CERS5: variants seen among roughly 807,000 people sequenced by gnomAD.
The protein encoded by CERS5 is ceramide synthase 5.
A neutral mutation model predicts 58.9 loss-of-function variants in CERS5; 37 were observed. The ratio of observed to expected loss-of-function variants is 0.63; its 90% CI spans 0.48 to 0.83. The LOEUF is 0.83. CERS5 is among the 40% of genes least tolerant of loss of function. The pLI, the probability that CERS5 is intolerant of heterozygous loss-of-function variation, is 0.00. For missense variants in CERS5, 398 were observed against 489.3 expected (o/e 0.81, Z 1.76); for synonymous variants, 147 against 177.8 (o/e 0.83, Z 1.38).
chr12:50,147,394 G>A (rs552445537), intron 1 of CERS5: 14 of 127,956 alleles, frequency 1.1e-4, no homozygotes, highest in Admixed American at 1.0e-3. Flanking sequence ...GTAACAGAGC[G>A]AGACTCCATC....
In CERS5 at chr12:50,143,154, A is replaced by C; in HGVS notation, c.354T>G (p.Asn118Lys). The change falls in exon 3 of 10, where the codon AAT becomes AAG. Residue 118 changes from asparagine to lysine, a missense_variant. By Grantham distance (94) the Asn-to-Lys change is moderately conservative. This residue lies in a region of CERS5 where 328 missense variants were observed against 384.5 expected (regional missense o/e 0.85). Coordinates refer to ENST00000317551, the MANE Select transcript of CERS5 (RefSeq NM_147190.5). Reference sequence around the variant, plus strand: ...GAAACCAGCATTGGATTTTTCGGACATTCCAATCCAGCTGCTTTGACAGGC... The same window carrying C: ...GAAACCAGCATTGGATTTTTCGGACCTTCCAATCCAGCTGCTTTGACAGGC... ...LEGLSKQLDW[N>K]VRKIQCWFRH... is the part of the protein sequence containing the mutation. The C allele has an allele frequency of 6.2e-7, 1 of 1,614,146 alleles. No individual in the cohort carries two copies. The highest frequency in any genetic ancestry group is 1.1e-5 in the South Asian group (1 of 91,090).
chr12:50,166,961 T>A, intron 1 of CERS5, 140 bp downstream of exon 1: 1 of 694,838 alleles, frequency 1.4e-6, no homozygotes, highest in South Asian at 2.0e-5. Context: ...GCGCCTAGCA[T>A]CACCCGCCGC....
At chr12:50,164,281 T>C (rs112478846) in intron 1 of CERS5, among the ~76,000 whole-genome samples, 16 of 151,878 alleles carry the variant, frequency 1.1e-4, no homozygotes, top group African/African-American at 3.9e-4. Context: ...TTTTTTTTTT[T>C]TTAATTAGCT....
At chr12:50,144,775 G>C in intron 1 of CERS5, 1 of 1,521,064 alleles carries the variant, frequency 6.6e-7, no homozygotes, top group Non-Finnish European at 8.8e-7. Context: ...TTACCTCTTG[G>C]GTCTTGGTTT....
chr12:50,134,788 G>C, intron 8 of CERS5, 86 bp from the exon 9 acceptor site: 1 of 1,285,838 alleles, frequency 7.8e-7, no homozygotes, highest in Non-Finnish European at 1.1e-6. Context: ...GCAGAGCCCT[G>C]TGTGTTTTCC....
Position 50,145,322 on chromosome 12 carries a change from C to T in CERS5, c.198-1265G>A, listed in dbSNP as rs186479669. Among the ~76,000 whole-genome samples, 150 of 152,110 alleles carry T rather than the reference C, an allele frequency of 9.9e-4. 1 individual carries two copies. The highest frequency in any genetic ancestry group is 3.5e-3 in the African/African-American group (145 of 41,474). The stretch of plus-strand genomic sequence containing the variant: ...CCTTGGTTCTTCAAGAAAGATCTCA[C>T]TCTCCCCCGTAATCAGAGATTTTTA... On this transcript the variant is annotated intron_variant, in intron 1 of 9. Transcript: ENST00000317551.
intron 1 of CERS5, chr12:50,164,915 TG>T (rs1272060323): frequency 6.6e-6 from 1 of 152,198 alleles, no homozygotes; most frequent in Non-Finnish European, 1.5e-5. Flanking sequence ...AAAGCAGAGA[TG>T]TTTTTCTATG....
At chr12:50,149,582 T>C (rs1937715234) in intron 1 of CERS5, among the ~76,000 whole-genome samples, 1 of 152,204 alleles carries the variant, frequency 6.6e-6, no homozygotes, top group Non-Finnish European at 1.5e-5. Flanking sequence ...TAGATTAAGC[T>C]TCTCAACTAT....
At chr12:50,131,825 A>G (rs1225180099) in intron 9 of CERS5, among the ~76,000 whole-genome samples, 2 of 152,116 alleles carry the variant, frequency 1.3e-5, no homozygotes, top group Non-Finnish European at 2.9e-5. Flanking sequence ...AGCCAGGCAC[A>G]GTGGCTTACA....
At chr12:50,140,203 T>A (rs1478370538) in intron 4 of CERS5, among the ~76,000 whole-genome samples, 5 of 152,090 alleles carry the variant, frequency 3.3e-5, no homozygotes, top group African/African-American at 1.2e-4. Context: ...ATTTTTAGCA[T>A]GATTCAATTA....
At chr12:50,156,320 C>T (rs1212092545) in intron 1 of CERS5, among the ~76,000 whole-genome samples, 5 of 148,406 alleles carry the variant, frequency 3.4e-5, no homozygotes, top group African/African-American at 7.5e-5. Flanking sequence ...AGGAGAATGG[C>T]GTGAACCTGG....
At chr12:50,150,854 G>C (rs1194219150) in intron 1 of CERS5, among the ~76,000 whole-genome samples, 1 of 152,174 alleles carries the variant, frequency 6.6e-6, no homozygotes, top group East Asian at 1.9e-4. Context: ...TAGGAGGAAA[G>C]AAGTAGAAAT....
intron 1 of CERS5, among the ~76,000 whole-genome samples, chr12:50,151,347 C>A (rs545826873): frequency 6.6e-6 from 1 of 152,140 alleles, no homozygotes; most frequent in Non-Finnish European, 1.5e-5. Flanking sequence ...ATTCCCATTA[C>A]TTTTAATGGC....
At position 50,129,985 on chromosome 12, in the gene CERS5, A is replaced by T. The variant is rs1342617378; in HGVS notation, c.*560T>A. The T allele has an allele frequency of 6.6e-6, 1 of 152,450 alleles. No homozygotes were observed. The highest frequency in any genetic ancestry group is 2.4e-5 in the African/African-American group (1 of 41,420). 9.4% of individuals were successfully genotyped at this position (152,450 alleles called of 1,614,324 possible). ...CTATCAGGTGATTGATAGGAAGGGG[A>T]TCTAGCTAGGGACCACGGCAATCCT... On this transcript the variant is annotated 3_prime_UTR_variant, in exon 10 of 10. Coordinates refer to ENST00000317551, the MANE Select transcript of CERS5 (RefSeq NM_147190.5).
chr12:50,143,952 C>T lies in CERS5; in HGVS notation c.303G>A (p.Lys101=). The T allele has an allele frequency of 6.3e-7, 1 of 1,581,186 alleles. No individual in the cohort carries two copies. Among genetic ancestry groups the T allele is most frequent in the Non-Finnish European group, 8.7e-7 (1 of 1,150,280 alleles). ...CCTCTCTGTTTCTTTGCCCACTTAC[C>T]TTGGTAATAGATATGAACACCTTTT... The part of the protein sequence containing the change: ...ILEKVFISIT[K]YPDKKRLEGL... Residue 101 remains lysine (K), a splice_region_variant and synonymous_variant, in exon 2 of 10, where the codon AAG becomes AAA. Transcript: ENST00000317551.
At chr12:50,147,263 C>T (rs1330189858) in intron 1 of CERS5, 2 of 151,850 alleles carry the variant, frequency 1.3e-5, no homozygotes, top group African/African-American at 4.8e-5. Flanking sequence ...GTTAGACAGG[C>T]GTGGTGGTGT....
At chr12:50,166,217 G>A (rs908094440) in intron 1 of CERS5, 1 of 190,906 alleles carries the variant, frequency 5.2e-6, no homozygotes, top group African/African-American at 2.4e-5. Flanking sequence ...CAGCTACTCG[G>A]GAGGCTGAGG....
At chr12:50,155,855 C>A (rs1331503693) in intron 1 of CERS5, among the ~76,000 whole-genome samples, 1 of 150,398 alleles carries the variant, frequency 6.6e-6, no homozygotes, top group Non-Finnish European at 1.5e-5. Flanking sequence ...TAATCCCCAG[C>A]ACTTTGGGAG....
intron 1 of CERS5, among the ~76,000 whole-genome samples, chr12:50,153,437 G>A (rs1253043900): frequency 6.6e-6 from 1 of 151,264 alleles, no homozygotes; most frequent in Non-Finnish European, 1.5e-5. Context: ...GCACCACCAC[G>A]TCCAGCTAAT....
Sources: allele counts gnomAD v4.1 joint callset (sites outside exome capture counted in the v4.1 genomes callset), GRCh38; gene constraint gnomAD v4.1.1; regional missense constraint gnomAD v4.1.1; transcripts MANE v1.5; gene names NCBI Gene and HGNC (gene_info 2026-07-23, HGNC 2026-07-21).